Variants in PML observed in about 807,000 individuals in gnomAD.
The protein encoded by PML is PML nuclear body scaffold.
A neutral mutation model predicts 65.2 loss-of-function variants in PML; 28 were observed. The observed-to-expected ratio is 0.43, with a 90% confidence interval of 0.32 to 0.59. PML has a LOEUF of 0.59. Among genes scored for constraint, PML ranks in the 20% least tolerant of loss-of-function variants. The pLI, the probability that PML is intolerant of heterozygous loss-of-function variation, is 0.08. For synonymous variants in PML, 500 were observed against 508.8 expected, an observed-to-expected ratio of 0.98 and a Z score of 0.23; for missense variants, 1,021 against 1,203.4, an observed-to-expected ratio of 0.85 and a Z score of 2.24.
At chr15:74,009,043 G>A (rs964650078) in intron 2 of PML, among the ~76,000 whole-genome samples, 2 of 152,154 alleles carry the variant, frequency 1.3e-5, no homozygotes, top group African/African-American at 4.8e-5. Flanking sequence ...CTGCAAGAAT[G>A]CAGAGATGGA....
rs748992721 is a variant in PML, at chr15:74,035,929, G to A, written c.1710+1399G>A. 3 of 1,613,894 alleles carry A rather than the reference G, an allele frequency of 1.9e-6. No homozygotes were observed. Among genetic ancestry groups the A allele is most frequent in the Admixed American group, 3.3e-5 (2 of 60,016 alleles). ...AGGCCCCCCATCAGCCCAGTCCCAGGCGCCCGTCAAGCAGGCCTCTGAGAG... is the reference window on the plus strand; with the variant it reads ...AGGCCCCCCATCAGCCCAGTCCCAGACGCCCGTCAAGCAGGCCTCTGAGAG... On this transcript the variant is annotated intron_variant, in intron 7 of 8. Transcript: ENST00000268058. This position sits in a 1 kb window ranked among gnomAD's most constrained non-coding sequence, Gnocchi z 4.1.
rs549798574 is a variant in PML, at chr15:74,037,026, G to T, written c.1710+2496G>T. Reference sequence around the variant, plus strand: ...CCTGCCCAGCAGAAAATCCTGGAAGGACTCAGGAGCTTGTCGCCTCTGTGC... The same window carrying T: ...CCTGCCCAGCAGAAAATCCTGGAAGTACTCAGGAGCTTGTCGCCTCTGTGC... On this transcript the variant is annotated intron_variant, in intron 7 of 8. Coordinates refer to ENST00000268058, the MANE Select transcript of PML (RefSeq NM_033238.3). This position sits in a 1 kb window ranked among gnomAD's most constrained non-coding sequence, Gnocchi z 4.2. 25 of 985,414 alleles carry T rather than the reference G, an allele frequency of 2.5e-5. No individual in the cohort carries two copies. In the Admixed American group the frequency reaches 1.4e-3, roughly 53 times the overall value. The allele number at this position is 985,414 out of a possible 1,614,324, so 61.0% of individuals were successfully genotyped here.
chr15:74,005,392 G>A (rs1037153221), intron 2 of PML, among the ~76,000 whole-genome samples: 1 of 152,142 alleles, frequency 6.6e-6, no homozygotes, highest in South Asian at 2.1e-4. Flanking sequence ...TTGTTATATG[G>A]ATATTGGAAC....
chr15:74,026,076 G>C (rs1156610261), intron 4 of PML: 1 of 152,220 alleles, frequency 6.6e-6, no homozygotes, highest in East Asian at 1.9e-4. Flanking sequence ...TTTTTTCACA[G>C]AGGACGAAGC....
At chr15:74,023,625 A>C (rs1012504171) in intron 3 of PML, among the ~76,000 whole-genome samples, 1 of 152,148 alleles carries the variant, frequency 6.6e-6, no homozygotes, top group African/African-American at 2.4e-5. Context: ...CATTTTACTA[A>C]TTTACAAGAC....
chr15:74,038,558 T>C (rs2071624738), intron 7 of PML, among the ~76,000 whole-genome samples: 1 of 151,772 alleles, frequency 6.6e-6, no homozygotes. Flanking sequence ...ACAAATTAGG[T>C]CCCCCCTATG....
intron 2 of PML, among the ~76,000 whole-genome samples, chr15:74,004,361 G>A (rs28541681): frequency 2.5e-3 from 381 of 152,148 alleles, no homozygotes; most frequent in African/African-American, 8.7e-3. Context: ...GTGTGCAGTG[G>A]TGTGATCATA....
At chr15:74,038,458 G>A (rs753599833) in intron 7 of PML, among the ~76,000 whole-genome samples, 21 of 152,108 alleles carry the variant, frequency 1.4e-4, no homozygotes, top group African/African-American at 4.8e-5. Flanking sequence ...CCAGAGGACC[G>A]CTGCTTTTGT....
At position 74,043,710 on chromosome 15, in the gene PML, A is replaced by C. The variant is rs975035157; in HGVS notation, c.1862-511A>C. On this transcript the variant is annotated intron_variant, in intron 8 of 8. Transcript: ENST00000268058. The surrounding 1 kb of genome is among the most constrained non-coding windows in gnomAD (Gnocchi z 4.3). ...TCAACATTGGGGCTAGCCCAGCCAG[A>C]CAGAAACAGCAAGTGTTTTCATGGT... 3 of 530,380 alleles carry C rather than the reference A, an allele frequency of 5.7e-6. No individual in the cohort carries two copies. The highest frequency in any genetic ancestry group is 3.9e-5 in the Admixed American group (2 of 51,820). 32.9% of individuals were successfully genotyped at this position (530,380 alleles called of 1,614,324 possible).
intron 4 of PML, among the ~76,000 whole-genome samples, chr15:74,031,886 T>C (rs1383738024): frequency 6.6e-6 from 1 of 152,244 alleles, no homozygotes; most frequent in Non-Finnish European, 1.5e-5. Context: ...TTCATCCACA[T>C]TACCATATGA....
At chr15:74,041,176 G>A (rs1417504709) in intron 7 of PML, among the ~76,000 whole-genome samples, 1 of 152,224 alleles carries the variant, frequency 6.6e-6, no homozygotes, top group Non-Finnish European at 1.5e-5. Flanking sequence ...GTCAGTGGGT[G>A]GCAGCATGGA....
intron 1 of PML, among the ~76,000 whole-genome samples, chr15:73,997,094 G>T (rs1183758061): frequency 1.3e-5 from 2 of 152,228 alleles, no homozygotes; most frequent in Non-Finnish European, 2.9e-5. Context: ...CCCCCTAGAG[G>T]TTTCCCATTG....
intron 2 of PML, among the ~76,000 whole-genome samples, chr15:74,020,287 CTTT>C (rs1187914506): frequency 6.0e-5 from 7 of 116,248 alleles, no homozygotes; most frequent in Non-Finnish European, 7.1e-5. Flanking sequence ...TGACTTATTC[CTTT>C]TTTTTTTTTT....
At position 74,035,857 on chromosome 15, in the gene PML, C is replaced by T; in HGVS notation, c.1710+1327C>T. On this transcript the variant is annotated intron_variant, in intron 7 of 8. Transcript: ENST00000268058. The surrounding 1 kb of genome is among the most constrained non-coding windows in gnomAD (Gnocchi z 4.1). ...ATGGAGGCCTCTCAAGTCCAAGTGC[C>T]TCTGGAAGCCTCTCCAATTACATTC... The T allele has an allele frequency of 6.2e-7, 1 of 1,613,792 alleles. No homozygotes were observed. The highest frequency in any genetic ancestry group is 1.1e-5 in the South Asian group (1 of 91,082).
chr15:74,003,225 A>G (rs540444761), intron 2 of PML, among the ~76,000 whole-genome samples: 15 of 152,272 alleles, frequency 9.9e-5, no homozygotes, highest in Non-Finnish European at 1.9e-4. Flanking sequence ...TGAGGTCAGG[A>G]GTTCAATACC....
intron 7 of PML, chr15:74,036,426 G>T: frequency 5.4e-6 from 7 of 1,287,808 alleles, no homozygotes; most frequent in Non-Finnish European, 7.0e-6. Context: ...CGACCATCGC[G>T]TTCTCCGATG....
rs538603278 is a variant in PML, at chr15:74,039,336, C to T, written c.1711-3653C>T. On this transcript the variant is annotated intron_variant, in intron 7 of 8. Coordinates refer to ENST00000268058, the MANE Select transcript of PML (RefSeq NM_033238.3). ...TTCACTCATAACATGTGCAGTATTC[C>T]TGGGGTCTTTGAGGCTTTGCAAGAG... 2.6e-5 allele frequency among the ~76,000 whole-genome samples: 4 copies of T among 152,306 alleles called. No homozygotes were observed. The South Asian group carries it at 8.3e-4, about 32-fold the overall frequency.
intron 2 of PML, among the ~76,000 whole-genome samples, chr15:74,021,760 G>A (rs1044849772): frequency 6.6e-6 from 1 of 151,684 alleles, no homozygotes; most frequent in East Asian, 1.9e-4. Context: ...AAAGGAAAAC[G>A]AAAGAAAGAA....
At chr15:74,005,884 G>A (rs2070022538) in intron 2 of PML, among the ~76,000 whole-genome samples, 1 of 152,098 alleles carries the variant, frequency 6.6e-6, no homozygotes, top group African/African-American at 2.4e-5. Context: ...ATTGTGTAAA[G>A]CACAATTTAT....
Sources: allele counts gnomAD v4.1 joint callset (sites outside exome capture counted in the v4.1 genomes callset), GRCh38; gene constraint gnomAD v4.1.1; non-coding constraint Gnocchi (gnomAD v3.1); transcripts MANE v1.5; gene names NCBI Gene and HGNC (gene_info 2026-07-23, HGNC 2026-07-21).